The following PTPRS variants were observed in gnomAD, a reference collection of about 807,000 sequenced individuals.
PTPRS encodes receptor-type tyrosine-protein phosphatase S.
Under a neutral mutation model 215.3 loss-of-function variants are expected in PTPRS, and 63 were observed. That is an observed-to-expected ratio of 0.29 (90% CI 0.24 to 0.36). The LOEUF (loss-of-function observed/expected upper bound fraction) is 0.36, where lower values mean the gene tolerates loss of function less well. Among genes scored for constraint, PTPRS ranks in the 10% least tolerant of loss-of-function variants. The pLI, the probability that PTPRS is intolerant of heterozygous loss-of-function variation, is 1.00. For synonymous variants in PTPRS, 1,404 were observed against 1,191.4 expected (o/e 1.18, Z -3.68); for missense variants, 2,258 against 2,825.8 (o/e 0.80, Z 4.56).
intron 13 of PTPRS, among the ~76,000 whole-genome samples, chr19:5,236,820 G>A (rs1339420636): frequency 1.3e-5 from 2 of 150,498 alleles, no homozygotes; most frequent in African/African-American, 4.9e-5. Context: ...GTGCCCGGGG[G>A]GTGCGGGGAA....
Position 5,214,741 on chromosome 19 carries a change from A to G in PTPRS, c.4319-5T>C. The G allele has an allele frequency of 6.3e-7, 1 of 1,594,452 alleles. No homozygotes were observed. The highest frequency in any genetic ancestry group is 8.6e-7 in the Non-Finnish European group (1 of 1,165,362). On this transcript the variant is annotated splice_polypyrimidine_tract_variant and splice_region_variant and intron_variant, in intron 28 of 37. Coordinates refer to ENST00000262963, the MANE Select transcript of PTPRS (RefSeq NM_002850.4). The stretch of plus-strand genomic sequence containing the variant: ...TGTAATCACTGCCCATGATGCCTGC[A>G]GCCAGGGCGAGAGGCCAGGGATCTG...
At chr19:5,308,274 G>C (rs1275918016) in intron 1 of PTPRS, among the ~76,000 whole-genome samples, 1 of 152,218 alleles carries the variant, frequency 6.6e-6, no homozygotes, top group Non-Finnish European at 1.5e-5. Flanking sequence ...TTGCTAAATG[G>C]ATGGGTGAGA....
At chr19:5,289,055 G>A (rs2048598837) in intron 1 of PTPRS, among the ~76,000 whole-genome samples, 1 of 152,178 alleles carries the variant, frequency 6.6e-6, no homozygotes, top group African/African-American at 2.4e-5. Context: ...GAATAGGGTG[G>A]TGGGAGGGGC....
intron 1 of PTPRS, among the ~76,000 whole-genome samples, chr19:5,329,259 GC>G (rs908215277): frequency 6.6e-6 from 1 of 152,054 alleles, no homozygotes; most frequent in Non-Finnish European, 1.5e-5. Context: ...GAGGCCAGCG[GC>G]CCACAGAGAG....
At chr19:5,327,440 G>C (rs2050199964) in intron 1 of PTPRS, among the ~76,000 whole-genome samples, 1 of 151,998 alleles carries the variant, frequency 6.6e-6, no homozygotes, top group African/African-American at 2.4e-5. Context: ...ACTGCCCCAG[G>C]GTCACACTGA....
chr19:5,211,482 A>C, intron 33 of PTPRS, 108 bp downstream of exon 33: 1 of 1,162,452 alleles, frequency 8.6e-7, no homozygotes, highest in Non-Finnish European at 1.2e-6. Context: ...TAAACAGCTC[A>C]GGGCTACCAG....
At chr19:5,282,644 A>G (rs576758750) in intron 2 of PTPRS, among the ~76,000 whole-genome samples, 1 of 152,156 alleles carries the variant, frequency 6.6e-6, no homozygotes, top group South Asian at 2.1e-4. Flanking sequence ...CTCTACCAAA[A>G]ATACAAAAAT....
chr19:5,290,484 C>A (rs1229198734), intron 1 of PTPRS, among the ~76,000 whole-genome samples: 1 of 152,172 alleles, frequency 6.6e-6, no homozygotes, highest in Non-Finnish European at 1.5e-5. Context: ...GTCACGCGAT[C>A]TGGGAGCCGG....
intron 19 of PTPRS, 23 bp downstream of exon 19, chr19:5,222,100 G>A (rs755730946): frequency 2.4e-5 from 39 of 1,593,864 alleles, no homozygotes; most frequent in Non-Finnish European, 3.4e-5. Flanking sequence ...CTGCCTGCCT[G>A]CCTGCTGGCT....
intron 4 of PTPRS, among the ~76,000 whole-genome samples, chr19:5,269,005 G>A (rs1244150584): frequency 2.0e-5 from 3 of 152,174 alleles, no homozygotes; most frequent in Admixed American, 6.5e-5. Flanking sequence ...ATTGGCTACT[G>A]ATGACATCAT....
Position 5,238,932 on chromosome 19 carries a change from G to A in PTPRS, c.1836C>T (p.Arg612=). The A allele has an allele frequency of 6.2e-7, 1 of 1,607,806 alleles. No homozygotes were observed. Among genetic ancestry groups the A allele is most frequent in the Non-Finnish European group, 8.5e-7 (1 of 1,177,516 alleles). Residue 612 remains arginine (R), a synonymous_variant, in exon 13 of 38, where the codon CGC becomes CGT. Transcript: ENST00000262963. ...CGAGACACCTACTGGACTGCAGCGT[G>A]CGCTGCCGCACCACGGGGGTGAAGG... The part of the protein sequence containing the change: ...LGAFTPVVRQ[R]TLQSKPSAPP...
At chr19:5,246,355 A>G (rs2044484084) in intron 9 of PTPRS, among the ~76,000 whole-genome samples, 1 of 152,206 alleles carries the variant, frequency 6.6e-6, no homozygotes, top group African/African-American at 2.4e-5. Context: ...ATAGAGAGAT[A>G]TATCAATATA....
At position 5,218,478 on chromosome 19, in the gene PTPRS, G is replaced by A. The variant is rs768303794; in HGVS notation, c.3990C>T (p.Leu1330=). The change falls in exon 25 of 38, where the codon CTC becomes CTT. Residue 1330 remains leucine (L), a synonymous_variant. Coordinates refer to ENST00000262963, the MANE Select transcript of PTPRS (RefSeq NM_002850.4). ...RTKCLLNNAD[L]APHHPKDPVE... The stretch of plus-strand genomic sequence containing the variant: ...CAGGGTCCTTGGGGTGGTGAGGGGC[G>A]AGGTCGGCATTGTTCAGGAGGCATT... The A allele has an allele frequency of 2.5e-6, 4 of 1,614,118 alleles. No individual in the cohort carries two copies. Among genetic ancestry groups the A allele is most frequent in the South Asian group, 2.2e-5 (2 of 91,070 alleles).
Position 5,218,424 on chromosome 19 carries a change from A to G in PTPRS, c.4044T>C (p.Thr1348=). 2 of 1,613,236 alleles carry G rather than the reference A, an allele frequency of 1.2e-6. No homozygotes were observed. The highest frequency in any genetic ancestry group is 2.2e-5 in the South Asian group (2 of 91,034). Residue 1348 remains threonine, a synonymous_variant, in exon 25 of 38, where the codon ACT becomes ACC. Coordinates refer to ENST00000262963, the MANE Select transcript of PTPRS (RefSeq NM_002850.4). ...GTACCAGGGATAAGTACATACCTGGAGTCTGGAAGTTAATGCGTCTCATTT... is the reference window on the plus strand; with the variant it reads ...GTACCAGGGATAAGTACATACCTGGGGTCTGGAAGTTAATGCGTCTCATTT... ...PVEMRRINFQ[T]PDSGLRSPLR...
At chr19:5,311,334 G>A (rs959415416) in intron 1 of PTPRS, among the ~76,000 whole-genome samples, 1 of 152,084 alleles carries the variant, frequency 6.6e-6, no homozygotes, top group African/African-American at 2.4e-5. Context: ...TCCTTCTGAT[G>A]CATTCCACGA....
At chr19:5,213,219 A>G (rs1037664344) in intron 30 of PTPRS, among the ~76,000 whole-genome samples, 8 of 152,014 alleles carry the variant, frequency 5.3e-5, no homozygotes, top group Admixed American at 3.9e-4. Context: ...CTCCCACCCA[A>G]GCCCCCCAGT....
chr19:5,252,873 C>CAAAAAAAAAAAA (rs769636796), intron 9 of PTPRS, among the ~76,000 whole-genome samples: 22 of 45,496 alleles, frequency 4.8e-4, no homozygotes, highest in South Asian at 7.9e-4. Flanking sequence ...AACTCCATCT[C>CAAAAAAAAAAAA]AAAAAAAAAA....
In PTPRS at chr19:5,338,186, C is replaced by G. The variant is rs1031844290; in HGVS notation, c.-95+2478G>C. On this transcript the variant is annotated intron_variant, in intron 1 of 37. Coordinates refer to ENST00000262963, the MANE Select transcript of PTPRS (RefSeq NM_002850.4). The surrounding 1 kb of genome is among the most constrained non-coding windows in gnomAD (Gnocchi z 4.2). ...CACTGACAGTACCAGTCTCTGTCAC[C>G]CCCTGGGGGGTTAGGGGCAATGTCA... Among the ~76,000 whole-genome samples the G allele has an allele frequency of 5.3e-5, 8 of 152,208 alleles. No individual in the cohort carries two copies. Among genetic ancestry groups the G allele is most frequent in the Admixed American group, 1.3e-4 (2 of 15,280 alleles).
chr19:5,291,569 G>A (rs1008395534), intron 1 of PTPRS, among the ~76,000 whole-genome samples: 1 of 152,194 alleles, frequency 6.6e-6, no homozygotes, highest in African/African-American at 2.4e-5. Flanking sequence ...CCTTCTTGAT[G>A]TGACTGCATC....
Sources: gnomAD v4.1 joint callset for allele counts (sites outside exome capture counted in the v4.1 genomes callset) on GRCh38, gnomAD v4.1.1 for gene constraint, Gnocchi (gnomAD v3.1) non-coding constraint, MANE v1.5 for transcripts, NCBI Gene and HGNC (gene_info 2026-07-23, HGNC 2026-07-21) for gene names.